The following BACH2 variants were observed in gnomAD, a reference collection of about 807,000 sequenced individuals.
BACH2 encodes BACH transcriptional regulator 2.
A neutral mutation model predicts 61.8 loss-of-function variants in BACH2; 5 were observed. That is an observed-to-expected ratio of 0.08 (90% CI 0.04 to 0.17). BACH2 has a LOEUF of 0.17. Ranked by LOEUF, BACH2 falls within the 10% of genes least tolerant of loss-of-function variation. BACH2 has a pLI of 1.00. For synonymous variants in BACH2, 446 were observed against 440.1 expected, an observed-to-expected ratio of 1.01 and a Z score of -0.17; for missense variants, 824 against 1,091.1, an observed-to-expected ratio of 0.76 and a Z score of 3.45.
chr6:90,109,709 G>C (rs184483237), intron 4 of BACH2, among the ~76,000 whole-genome samples: 92 of 152,142 alleles, frequency 6.0e-4, no homozygotes, highest in Admixed American at 8.5e-4. Context: ...AGCTGCTTGG[G>C]ACAAATATCT....
intron 5 of BACH2, among the ~76,000 whole-genome samples, chr6:90,064,655 T>C (rs1780851318): frequency 6.6e-6 from 1 of 152,082 alleles, no homozygotes; most frequent in Non-Finnish European, 1.5e-5. Flanking sequence ...AAGTGGGTAG[T>C]AGGGGTAGAC....
chr6:90,119,102 A>G (rs757055135), intron 4 of BACH2, among the ~76,000 whole-genome samples: 16 of 152,378 alleles, frequency 1.1e-4, no homozygotes, highest in Non-Finnish European at 2.1e-4. Flanking sequence ...GTGACATGAT[A>G]TCATATAAAA....
chr6:89,976,310 C>T (rs1775646716), intron 6 of BACH2, among the ~76,000 whole-genome samples: 1 of 152,248 alleles, frequency 6.6e-6, no homozygotes, highest in Admixed American at 6.5e-5. Context: ...GGCACATTAG[C>T]CGCAGGCAAG....
At chr6:90,034,769 T>C (rs1779181425) in intron 5 of BACH2, among the ~76,000 whole-genome samples, 1 of 152,100 alleles carries the variant, frequency 6.6e-6, no homozygotes, top group Non-Finnish European at 1.5e-5. Context: ...GCACCAAAGA[T>C]AACTGAAAAT....
rs950332114 is a variant in BACH2 at position 89,932,171 on chromosome 6, T to C, written c.*237A>G. Reference sequence around the variant, plus strand: ...CTGAAATTGAGCCACAGACAGACAGTGTCATCACTGCTGTCTTTCCTTGCC... The same window carrying C: ...CTGAAATTGAGCCACAGACAGACAGCGTCATCACTGCTGTCTTTCCTTGCC... On this transcript the variant is annotated 3_prime_UTR_variant, in exon 9 of 9. Transcript: ENST00000257749. 9 of 485,338 alleles carry C rather than the reference T, an allele frequency of 1.9e-5. No homozygotes were observed. Among genetic ancestry groups the C allele is most frequent in the Non-Finnish European group, 2.9e-5 (8 of 273,122 alleles). 30.1% of individuals were successfully genotyped at this position (485,338 alleles called of 1,614,324 possible). A position where few individuals can be genotyped will look rare whatever the true frequency, so the allele number is the denominator to read the frequency against.
chr6:90,127,266 T>C (rs1783890301), intron 4 of BACH2, among the ~76,000 whole-genome samples: 1 of 148,520 alleles, frequency 6.7e-6, no homozygotes, highest in South Asian at 2.1e-4. Flanking sequence ...CAGGTAAGGA[T>C]TTCCCGCTCC....
At chr6:89,939,179 G>T (rs1359207393) in intron 7 of BACH2, among the ~76,000 whole-genome samples, 1 of 152,168 alleles carries the variant, frequency 6.6e-6, no homozygotes, top group African/African-American at 2.4e-5. Context: ...CATGCCTCGA[G>T]GACATTCAAG....
intron 3 of BACH2, among the ~76,000 whole-genome samples, chr6:90,243,308 A>G (rs776635418): frequency 1.7e-4 from 26 of 151,814 alleles, no homozygotes; most frequent in Admixed American, 1.3e-4. Flanking sequence ...GAAGGTGACT[A>G]TGATCTTTGT....
intron 4 of BACH2, among the ~76,000 whole-genome samples, chr6:90,176,919 GTCC>G (rs1447288910): frequency 1.3e-5 from 2 of 152,066 alleles, no homozygotes; most frequent in Non-Finnish European, 2.9e-5. Flanking sequence ...CACTTAGATT[GTCC>G]TCCTTTCTGC....
intron 5 of BACH2, among the ~76,000 whole-genome samples, chr6:90,042,191 CTTTTTA>C (rs1410482054): frequency 1.3e-5 from 2 of 151,950 alleles, no homozygotes; most frequent in African/African-American, 2.4e-5. Context: ...AAGAATAATT[CTTTTTA>C]TTTTTATTTT....
At position 90,150,727 on chromosome 6, in the gene BACH2, G is replaced by C. The variant is rs564718248; in HGVS notation, c.-162+55842C>G. Among the ~76,000 whole-genome samples, 11 of 152,250 alleles carry C rather than the reference G, an allele frequency of 7.2e-5. No individual in the cohort carries two copies. In the South Asian group the frequency reaches 2.3e-3, roughly 32 times the overall value. Reference sequence around the variant, plus strand: ...AGTGCTTGAGCCCAAGCTTCTCAGTGGAGGACCCCTTGTGTTGCTGGAATG... The same window carrying C: ...AGTGCTTGAGCCCAAGCTTCTCAGTCGAGGACCCCTTGTGTTGCTGGAATG... On this transcript the variant is annotated intron_variant, in intron 4 of 8. Coordinates refer to ENST00000257749, the MANE Select transcript of BACH2 (RefSeq NM_021813.4).
intron 4 of BACH2, among the ~76,000 whole-genome samples, chr6:90,120,790 A>C (rs560815856): frequency 2.0e-4 from 30 of 152,230 alleles, no homozygotes; most frequent in Non-Finnish European, 4.1e-4. Flanking sequence ...TCAAACGAAT[A>C]CTGAATGTTC....
intron 6 of BACH2, among the ~76,000 whole-genome samples, chr6:89,969,127 C>T (rs1775218642): frequency 6.9e-6 from 1 of 144,998 alleles, no homozygotes; most frequent in Non-Finnish European, 1.5e-5. Context: ...GATCTTGGCT[C>T]ACCGCAACCT....
At position 90,296,696 on chromosome 6, in the gene BACH2, G is replaced by GGGC. The variant is rs1486713817; in HGVS notation, c.-665_-663dup. The GGGC allele has an allele frequency of 1.3e-5, 2 of 154,764 alleles. No individual in the cohort carries two copies. The highest frequency in any genetic ancestry group is 2.4e-5 in the African/African-American group (1 of 41,376). 9.6% of individuals were successfully genotyped at this position (154,764 alleles called of 1,614,324 possible). A position where few individuals can be genotyped will look rare whatever the true frequency, so the allele number is the denominator to read the frequency against. ...GGAGGCCGGGGGGAAAGCGAGAGCGGGGCGGCGGCGGGAGTGGGCAGGCGG... is the reference window on the plus strand; with the variant it reads ...GGAGGCCGGGGGGAAAGCGAGAGCGGGGCGGCGGCGGCGGGAGTGGGCAGGCGG... On this transcript the variant is annotated 5_prime_UTR_variant, in exon 1 of 9. Coordinates refer to ENST00000257749, the MANE Select transcript of BACH2 (RefSeq NM_021813.4).
At chr6:90,290,641 T>A (rs2127892797) in intron 1 of BACH2, among the ~76,000 whole-genome samples, 1 of 152,356 alleles carries the variant, frequency 6.6e-6, no homozygotes, top group East Asian at 1.9e-4. Flanking sequence ...GTACATTCAC[T>A]TTGTTTCCTA....
chr6:90,103,858 A>G (rs1018135607), intron 4 of BACH2, among the ~76,000 whole-genome samples: 1 of 152,204 alleles, frequency 6.6e-6, no homozygotes, highest in Non-Finnish European at 1.5e-5. Context: ...GACTGACTGG[A>G]TATTTTGATT....
At chr6:89,947,488 C>T (rs757671588) in intron 7 of BACH2, among the ~76,000 whole-genome samples, 21 of 152,082 alleles carry the variant, frequency 1.4e-4, no homozygotes, top group Non-Finnish European at 2.9e-4. Context: ...CTGAGAGGGG[C>T]TATGTTTTCC....
intron 1 of BACH2, among the ~76,000 whole-genome samples, chr6:90,282,705 G>A (rs1209189286): frequency 6.6e-6 from 1 of 151,554 alleles, no homozygotes; most frequent in Non-Finnish European, 1.5e-5. Flanking sequence ...CTATCTTTAG[G>A]ACTTTGAGCA....
intron 6 of BACH2, among the ~76,000 whole-genome samples, chr6:89,973,527 C>CT (rs1775484827): frequency 1.3e-5 from 2 of 152,210 alleles, no homozygotes; most frequent in African/African-American, 4.8e-5. Flanking sequence ...TCCGACCCTC[C>CT]TGCCTCCCTC....
Sources: allele counts gnomAD v4.1 joint callset (sites outside exome capture counted in the v4.1 genomes callset), GRCh38; gene constraint gnomAD v4.1.1; transcripts MANE v1.5; gene names NCBI Gene and HGNC (gene_info 2026-07-23, HGNC 2026-07-21).